Variants in DZIP1L observed in about 807,000 individuals in gnomAD.
The protein encoded by DZIP1L is DAZ interacting zinc finger protein 1 like, also known as cilium assembly protein DZIP1L.
A neutral mutation model predicts 88.7 loss-of-function variants in DZIP1L; 90 were observed. The ratio of observed to expected loss-of-function variants is 1.02; its 90% CI spans 0.86 to 1.21. The LOEUF (loss-of-function observed/expected upper bound fraction) is 1.21. Ranked by LOEUF, DZIP1L falls within the 50% of genes most tolerant of loss-of-function variation. The pLI is 0.00. For missense variants in DZIP1L, 932 were observed against 955.8 expected (o/e 0.98, Z 0.33); for synonymous variants, 363 against 372.1 (o/e 0.98, Z 0.28).
chr3:138,064,503 A>G, intron 15 of DZIP1L, 125 bp downstream of exon 15: 1 of 1,612,386 alleles, frequency 6.2e-7, no homozygotes, highest in Non-Finnish European at 8.5e-7. Flanking sequence ...GGTCACCCAC[A>G]ATGTCCCACT....
In DZIP1L at chr3:138,071,570, T is replaced by C. The variant is rs1428868925; in HGVS notation, c.1615+73A>G. On this transcript the variant is annotated intron_variant, in intron 12 of 15. Transcript: ENST00000327532. ...GGGGACAGAGACTATACCCTCCTCA[T>C]GTGCAAACAAGTTTTGGCAAGAATG... is the stretch of plus-strand genomic sequence containing the variant. 8.3e-5 allele frequency: 126 copies of C among 1,521,418 alleles called. No individual in the cohort carries two copies. The highest frequency in any genetic ancestry group is 8.8e-5 in the Non-Finnish European group (99 of 1,130,736). The allele number at this position is 1,521,418 out of a possible 1,614,324, so 94.2% of individuals were successfully genotyped here. A position where few individuals can be genotyped will look rare whatever the true frequency, so the allele number is the denominator to read the frequency against.
Position 138,094,843 on chromosome 3 carries a change from G to GTT in DZIP1L, c.708+17_708+18dup, listed in dbSNP as rs759339143. The stretch of plus-strand genomic sequence containing the variant: ...AGTCCATGACCCAAGTCTCCCTGAT[G>GTT]TTTTCTCTCCCTGCCCACCTGGAGC... On this transcript the variant is annotated intron_variant, in intron 4 of 15. Transcript: ENST00000327532. 48 of 1,613,900 alleles carry GTT rather than the reference G, an allele frequency of 3.0e-5. No individual in the cohort carries two copies. The highest frequency in any genetic ancestry group is 3.7e-5 in the Non-Finnish European group (44 of 1,179,948).
intron 3 of DZIP1L, among the ~76,000 whole-genome samples, chr3:138,096,050 C>T (rs557640585): frequency 1.6e-4 from 25 of 152,234 alleles, no homozygotes; most frequent in Non-Finnish European, 3.4e-4. Context: ...AATTCTAAGC[C>T]TTTTCCTTGA....
intron 11 of DZIP1L, among the ~76,000 whole-genome samples, chr3:138,074,500 A>C (rs1165454833): frequency 6.6e-6 from 1 of 152,254 alleles, no homozygotes; most frequent in East Asian, 1.9e-4. Context: ...TTTTCCAGAC[A>C]AACAAATGCT....
chr3:138,097,343 T>C (rs1054679342), intron 3 of DZIP1L, among the ~76,000 whole-genome samples: 1 of 152,194 alleles, frequency 6.6e-6, no homozygotes, highest in African/African-American at 2.4e-5. Context: ...AAAGAACTGG[T>C]CTGACTGCCC....
intron 5 of DZIP1L, among the ~76,000 whole-genome samples, chr3:138,090,143 A>T (rs879465643): frequency 8.5e-5 from 13 of 152,068 alleles, no homozygotes; most frequent in East Asian, 1.9e-4. Flanking sequence ...CCATCTTAAA[A>T]AAATAAATAA....
In DZIP1L at chr3:138,062,296, G is replaced by A. The variant is rs1419600318; in HGVS notation, c.*520C>T. The A allele has an allele frequency of 6.5e-6, 1 of 154,742 alleles. No homozygotes were observed. Among genetic ancestry groups the A allele is most frequent in the Non-Finnish European group, 1.4e-5 (1 of 69,548 alleles). 9.6% of individuals were successfully genotyped at this position (154,742 alleles called of 1,614,324 possible). ...TAGATTACTACCTTGTGCTGGCACT[G>A]GCTGTAAACATTCTGCCCCAGCCTC... On this transcript the variant is annotated 3_prime_UTR_variant, in exon 16 of 16. Coordinates refer to ENST00000327532, the MANE Select transcript of DZIP1L (RefSeq NM_173543.3).
chr3:138,088,591 C>G (rs1944061764), intron 5 of DZIP1L, 84 bp from the exon 6 acceptor site: 1 of 1,478,236 alleles, frequency 6.8e-7, no homozygotes, highest in Non-Finnish European at 9.0e-7. Context: ...GTCAGAGGGG[C>G]ACGCCTTACC....
chr3:138,073,611 G>A (rs1472272044), intron 11 of DZIP1L, among the ~76,000 whole-genome samples: 5 of 152,144 alleles, frequency 3.3e-5, no homozygotes, highest in Admixed American at 1.3e-4. Flanking sequence ...CTACCCAAAT[G>A]AGAAGGAGCC....
At chr3:138,094,262 G>A (rs1944365881) in intron 4 of DZIP1L, among the ~76,000 whole-genome samples, 1 of 152,198 alleles carries the variant, frequency 6.6e-6, no homozygotes, top group African/African-American at 2.4e-5. Flanking sequence ...AGCACATACT[G>A]TTGGAAAATG....
chr3:138,088,773 C>T, intron 5 of DZIP1L: 1 of 1,103,166 alleles, frequency 9.1e-7, no homozygotes, highest in South Asian at 3.4e-5. Context: ...TTAAATTCTG[C>T]TATACTCAAA....
At chr3:138,073,484 T>A (rs1310090492) in intron 11 of DZIP1L, among the ~76,000 whole-genome samples, 1 of 152,010 alleles carries the variant, frequency 6.6e-6, no homozygotes, top group African/African-American at 2.4e-5. Context: ...ACAGTTCAGC[T>A]CTCAGGAAGC....
intron 2 of DZIP1L, among the ~76,000 whole-genome samples, chr3:138,098,954 C>T (rs1439133596): frequency 2.0e-5 from 3 of 151,826 alleles, no homozygotes; most frequent in Admixed American, 1.3e-4. Context: ...GAGACCAGCC[C>T]GGGCAACCTG....
intron 10 of DZIP1L, 136 bp from the exon 11 acceptor site, chr3:138,077,768 GC>G: frequency 7.9e-7 from 1 of 1,270,596 alleles, no homozygotes; most frequent in African/African-American, 1.5e-5. Context: ...TTGCACTTGA[GC>G]CCTTAAAGCA....
At chr3:138,097,637 A>G (rs1944540911) in intron 3 of DZIP1L, 126 bp downstream of exon 3, 2 of 852,300 alleles carry the variant, frequency 2.3e-6, no homozygotes, top group Non-Finnish European at 3.6e-6. Context: ...GGATCATCCC[A>G]TCCCCAATTG....
chr3:138,098,722 G>A (rs1157266007), intron 2 of DZIP1L, among the ~76,000 whole-genome samples: 1 of 152,166 alleles, frequency 6.6e-6, no homozygotes, highest in Non-Finnish European at 1.5e-5. Context: ...AACCAGGTGT[G>A]TCCACAGGAC....
intron 1 of DZIP1L, among the ~76,000 whole-genome samples, chr3:138,113,865 C>T (rs1301808140): frequency 1.3e-5 from 2 of 152,088 alleles, no homozygotes; most frequent in Non-Finnish European, 2.9e-5. Flanking sequence ...TTTAAGTGGC[C>T]ATGGTTTTAT....
Position 138,106,903 on chromosome 3 carries a change from GC to G in DZIP1L, c.-81-2852del, listed in dbSNP as rs980387117. Among the ~76,000 whole-genome samples, 5 of 151,150 alleles carry G rather than the reference GC, an allele frequency of 3.3e-5. No homozygotes were observed. The East Asian group carries it at 7.8e-4, about 24-fold the overall frequency. On this transcript the variant is annotated intron_variant, in intron 1 of 15. Coordinates refer to ENST00000327532, the MANE Select transcript of DZIP1L (RefSeq NM_173543.3). Reference sequence around the variant, plus strand: ...GAGAGAGAAAGAGAGAGAGAGAAGGGCCTCCAGGAACAGCCCCTGACCCCAC... The same window carrying G: ...GAGAGAGAAAGAGAGAGAGAGAAGGGCTCCAGGAACAGCCCCTGACCCCAC...
rs775027762 is a variant in DZIP1L, at chr3:138,094,896, G to A, written c.674C>T (p.Ala225Val). The A allele has an allele frequency of 1.2e-6, 2 of 1,614,194 alleles. No individual in the cohort carries two copies. The highest frequency in any genetic ancestry group is 2.2e-5 in the East Asian group (1 of 44,894). The change falls in exon 4 of 16, where the codon GCC becomes GTC. Residue 225 changes from alanine (A) to valine (V), a missense_variant. Transcript: ENST00000327532. ...KLKWTQGELE[A>V]QREAERQRQL... ...CCGCTGCCTCTCCGCCTCCCTCTGG[G>A]CTTCCAGCTCCCCTTGGGTCCACTT... is the stretch of plus-strand genomic sequence containing the variant.
Sources: allele counts gnomAD v4.1 joint callset (sites outside exome capture counted in the v4.1 genomes callset), GRCh38; gene constraint gnomAD v4.1.1; transcripts MANE v1.5; gene names NCBI Gene and HGNC (gene_info 2026-07-23, HGNC 2026-07-21).